Variants in SYNPR observed in about 807,000 individuals in gnomAD.
The protein encoded by SYNPR is synaptoporin.
Under a neutral mutation model 32.9 loss-of-function variants are expected in SYNPR, and 23 were observed. The ratio of observed to expected loss-of-function variants is 0.70; its 90% CI spans 0.50 to 0.99. The LOEUF (loss-of-function observed/expected upper bound fraction) is 0.99, where lower values mean the gene tolerates loss of function less well. Among genes scored for constraint, SYNPR ranks in the 50% least tolerant of loss-of-function variants. SYNPR has a pLI of 0.00. For missense variants in SYNPR, 318 were observed against 349.3 expected, an observed-to-expected ratio of 0.91 and a Z score of 0.71; for synonymous variants, 146 against 135.9, an observed-to-expected ratio of 1.07 and a Z score of -0.52.
intron 2 of SYNPR, among the ~76,000 whole-genome samples, chr3:63,255,407 A>G (rs1261756310): frequency 6.6e-6 from 1 of 152,202 alleles, no homozygotes; most frequent in Non-Finnish European, 1.5e-5. Context: ...TGGGCCTGCC[A>G]TGTCAGGCCT....
chr3:63,332,867 G>T (rs912297013), intron 2 of SYNPR, among the ~76,000 whole-genome samples: 3 of 152,048 alleles, frequency 2.0e-5, no homozygotes, highest in Non-Finnish European at 4.4e-5. Context: ...TGACATTTTG[G>T]GCTGCCTGGT....
At chr3:63,595,785 A>ATATATATATATAAT (rs1559546293) in intron 4 of SYNPR, among the ~76,000 whole-genome samples, 3 of 46,662 alleles carry the variant, frequency 6.4e-5, no homozygotes, top group Non-Finnish European at 1.0e-4. Context: ...ATATATATAT[A>ATATATATATATAAT]GTTATATATA....
At chr3:63,267,858 G>A (rs1203596902) in intron 3 of SYNPR, among the ~76,000 whole-genome samples, 1 of 151,830 alleles carries the variant, frequency 6.6e-6, no homozygotes, top group African/African-American at 2.4e-5. Flanking sequence ...TTTTTCAGGA[G>A]CCTGAGGAAA....
chr3:63,540,239 A>G (rs1702274874), intron 3 of SYNPR, among the ~76,000 whole-genome samples: 2 of 152,230 alleles, frequency 1.3e-5, no homozygotes, highest in African/African-American at 4.8e-5. Context: ...TATCACCTTA[A>G]TTATTAGGTA....
intron 2 of SYNPR, among the ~76,000 whole-genome samples, chr3:63,379,987 T>G (rs1472992563): frequency 1.3e-5 from 2 of 152,176 alleles, no homozygotes; most frequent in African/African-American, 4.8e-5. Context: ...GGTTTCCAGC[T>G]TCATCCACGT....
At chr3:63,524,083 T>TA (rs34737384) in intron 3 of SYNPR, among the ~76,000 whole-genome samples, 51,903 of 148,344 alleles carry the variant, frequency 0.35, 8,829 homozygotes, top group Admixed American at 0.43. Flanking sequence ...CTCATTTCTG[T>TA]AAAAAAAAAA....
At chr3:63,568,332 G>A (rs905956872) in intron 4 of SYNPR, among the ~76,000 whole-genome samples, 1 of 152,160 alleles carries the variant, frequency 6.6e-6, no homozygotes, top group African/African-American at 2.4e-5. Context: ...CCACAGTGCT[G>A]TATTGCCACC....
chr3:63,529,953 G>T (rs529752499), intron 3 of SYNPR, among the ~76,000 whole-genome samples: 8 of 152,232 alleles, frequency 5.3e-5, no homozygotes, highest in African/African-American at 1.9e-4. Context: ...CCCCTAACTT[G>T]ACTTCCCCAC....
intron 1 of SYNPR, among the ~76,000 whole-genome samples, chr3:63,228,786 C>A (rs1243477018): frequency 3.3e-5 from 5 of 151,912 alleles, no homozygotes; most frequent in African/African-American, 1.2e-4. Context: ...AACCATCTGG[C>A]ACCACCAAGA....
intron 4 of SYNPR, among the ~76,000 whole-genome samples, chr3:63,604,551 C>T (rs970163472): frequency 6.6e-6 from 1 of 152,062 alleles, no homozygotes; most frequent in Non-Finnish European, 1.5e-5. Flanking sequence ...TGTCTTTGTT[C>T]TAATCTTTGA....
Position 63,268,802 on chromosome 3 carries a change from CTT to C in SYNPR, n.287+1354_287+1355del, listed in dbSNP as rs571941015. Among the ~76,000 whole-genome samples the C allele has an allele frequency of 1.6e-3, 241 of 152,262 alleles. 1 individual carries two copies. The highest frequency in any genetic ancestry group is 5.5e-3 in the African/African-American group (227 of 41,564). Reference sequence around the variant, plus strand: ...AACTGTATTTTGAAAATTTAGAAAACTTAATATCAAACTTATTTTATTACAAG... The same window carrying C: ...AACTGTATTTTGAAAATTTAGAAAACAATATCAAACTTATTTTATTACAAG... On this transcript the variant is annotated intron_variant and non_coding_transcript_variant, in intron 3 of 4. Transcript: ENST00000478456.
At chr3:63,382,585 T>A (rs2087986003) in intron 2 of SYNPR, among the ~76,000 whole-genome samples, 1 of 152,256 alleles carries the variant, frequency 6.6e-6, no homozygotes, top group African/African-American at 2.4e-5. Flanking sequence ...TCCAGATTGC[T>A]GGCTTTTCCA....
chr3:63,333,303 G>A (rs2087249775), intron 2 of SYNPR, among the ~76,000 whole-genome samples: 1 of 151,106 alleles, frequency 6.6e-6, no homozygotes, highest in South Asian at 2.1e-4. Flanking sequence ...CCCTCTCTGG[G>A]GTCATCTCCC....
intron 4 of SYNPR, among the ~76,000 whole-genome samples, chr3:63,579,631 T>A (rs1703053356): frequency 6.6e-6 from 1 of 152,110 alleles, no homozygotes; most frequent in African/African-American, 2.4e-5. Flanking sequence ...CAACATGAGG[T>A]GCAAAGTGAA....
At chr3:63,480,717 T>G in intron 2 of SYNPR, 115 bp from the exon 3 acceptor site, 2 of 1,363,174 alleles carry the variant, frequency 1.5e-6, no homozygotes, top group Non-Finnish European at 2.0e-6. Context: ...GCAATGCTCT[T>G]CTTCAGAAGG....
At chr3:63,533,934 G>A (rs1166551639) in intron 3 of SYNPR, among the ~76,000 whole-genome samples, 1 of 152,126 alleles carries the variant, frequency 6.6e-6, no homozygotes, top group Non-Finnish European at 1.5e-5. Context: ...CCAAAGCACT[G>A]ATAATGTTGC....
At chr3:63,483,559 A>G (rs1352061193) in intron 3 of SYNPR, among the ~76,000 whole-genome samples, 1 of 152,146 alleles carries the variant, frequency 6.6e-6, no homozygotes, top group East Asian at 1.9e-4. Flanking sequence ...AACTCTACAT[A>G]CTTGAGTATT....
At position 63,588,226 on chromosome 3, in the gene SYNPR, T is replaced by C. The variant is rs140047854; in HGVS notation, c.409-20899T>C. On this transcript the variant is annotated intron_variant, in intron 4 of 5. Coordinates refer to ENST00000478300, the MANE Select transcript of SYNPR (RefSeq NM_001130003.2). ...CACCTTCACAGATGGTTTGTATAGA[T>C]ACAAAAGAACAAATTGTGAGGGGGT... Among the ~76,000 whole-genome samples the C allele has an allele frequency of 3.3e-3, 503 of 152,204 alleles. 1 individual carries two copies. The highest frequency in any genetic ancestry group is 5.3e-3 in the Non-Finnish European group (361 of 67,982).
intron 2 of SYNPR, among the ~76,000 whole-genome samples, chr3:63,388,584 G>GTGTGTGTA (rs2088088448): frequency 6.6e-6 from 1 of 150,428 alleles, no homozygotes; most frequent in Non-Finnish European, 1.5e-5. Flanking sequence ...GTGTGTGTGT[G>GTGTGTGTA]TGTGTGTGTG....
Sources: gnomAD v4.1 joint callset for allele counts (sites outside exome capture counted in the v4.1 genomes callset) on GRCh38, gnomAD v4.1.1 for gene constraint, MANE v1.5 for transcripts, NCBI Gene and HGNC (gene_info 2026-07-23, HGNC 2026-07-21) for gene names.